The following DNAJC5B variants were observed in gnomAD, a reference collection of about 807,000 sequenced individuals.
DNAJC5B encodes dnaJ homolog subfamily C member 5B.
In DNAJC5B, 23 loss-of-function variants were observed where a neutral mutation model predicts 24.7. That is an observed-to-expected ratio of 0.93 (90% CI 0.67 to 1.32). DNAJC5B has a LOEUF of 1.32. Ranked by LOEUF, DNAJC5B falls within the 40% of genes most tolerant of loss-of-function variation. The pLI, the probability that DNAJC5B is intolerant of heterozygous loss-of-function variation, is 0.00. For synonymous variants in DNAJC5B, 101 were observed against 90.1 expected (o/e 1.12, Z -0.68); for missense variants, 238 against 240.8 (o/e 0.99, Z 0.08).
chr8:66,035,079 A>G (rs1223621734), intron 1 of DNAJC5B, among the ~76,000 whole-genome samples: 1 of 152,206 alleles, frequency 6.6e-6, no homozygotes, highest in Non-Finnish European at 1.5e-5. Context: ...AGAGCCACAC[A>G]TTGCTGAATT....
intron 1 of DNAJC5B, among the ~76,000 whole-genome samples, chr8:66,030,564 C>T (rs1369241738): frequency 6.6e-6 from 1 of 152,196 alleles, no homozygotes; most frequent in African/African-American, 2.4e-5. Context: ...GGTAAGCCCA[C>T]CTGCTAGAGT....
At chr8:66,052,602 T>G (rs1440693488) in intron 3 of DNAJC5B, among the ~76,000 whole-genome samples, 1 of 152,194 alleles carries the variant, frequency 6.6e-6, no homozygotes, top group Non-Finnish European at 1.5e-5. Context: ...GGCCTGTCAG[T>G]GACAGAAGAA....
upstream of DNAJC5B, among the ~76,000 whole-genome samples, chr8:66,017,628 C>T (rs901837458): frequency 1.3e-5 from 2 of 152,212 alleles, no homozygotes; most frequent in Non-Finnish European, 2.9e-5. Flanking sequence ...ATCTCTAGCA[C>T]TTAGTCAGTT....
intron 3 of DNAJC5B, among the ~76,000 whole-genome samples, chr8:66,068,775 C>T (rs1251883620): frequency 6.6e-6 from 1 of 151,918 alleles, no homozygotes; most frequent in African/African-American, 2.4e-5. Context: ...AACTCTATAC[C>T]CAGGCACATC....
intron 1 of DNAJC5B, among the ~76,000 whole-genome samples, chr8:66,029,588 G>A (rs1277398453): frequency 6.6e-6 from 1 of 152,188 alleles, no homozygotes; most frequent in African/African-American, 2.4e-5. Context: ...TTAGGAGGCT[G>A]GCAGGAGATA....
At chr8:66,023,923 C>G (rs553372349) in intron 1 of DNAJC5B, among the ~76,000 whole-genome samples, 1 of 152,224 alleles carries the variant, frequency 6.6e-6, no homozygotes, top group African/African-American at 2.4e-5. Context: ...AGGTAGTCAG[C>G]GTTTTTCCAA....
chr8:66,028,403 A>C (rs897211212), intron 1 of DNAJC5B, among the ~76,000 whole-genome samples: 5 of 152,198 alleles, frequency 3.3e-5, no homozygotes, highest in Admixed American at 6.5e-5. Flanking sequence ...ATGAACTCTA[A>C]CAGGTGGTTT....
intron 4 of DNAJC5B, among the ~76,000 whole-genome samples, chr8:66,077,211 G>A (rs13252033): frequency 0.094 from 14,286 of 152,110 alleles, 1,068 homozygotes; most frequent in East Asian, 0.31. Context: ...AAATTATTAC[G>A]GGGCAAATTT....
chr8:66,088,562 A>G (rs1480039262), intron 5 of DNAJC5B, among the ~76,000 whole-genome samples: 1 of 152,180 alleles, frequency 6.6e-6, no homozygotes, highest in Non-Finnish European at 1.5e-5. Context: ...CCTTTTAAAC[A>G]TAAATTCCAA....
chr8:66,044,474 G>C (rs1806682669), intron 2 of DNAJC5B, among the ~76,000 whole-genome samples: 1 of 151,522 alleles, frequency 6.6e-6, no homozygotes, highest in African/African-American at 2.4e-5. Context: ...AGCTTCTTTT[G>C]CTTCGAAATG....
chr8:66,034,472 G>A (rs943729686), intron 1 of DNAJC5B, among the ~76,000 whole-genome samples: 2 of 152,046 alleles, frequency 1.3e-5, no homozygotes, highest in Non-Finnish European at 2.9e-5. Flanking sequence ...TCACTGAACA[G>A]GGAAAGAGCT....
At chr8:66,091,325 G>C (rs892095185) in intron 5 of DNAJC5B, among the ~76,000 whole-genome samples, 1 of 152,140 alleles carries the variant, frequency 6.6e-6, no homozygotes, top group East Asian at 1.9e-4. Context: ...AGCACTTGGG[G>C]CCTCACCTGC....
chr8:66,051,621 G>T lies in DNAJC5B; in HGVS notation c.74G>T (p.Gly25Val). 6.2e-7 allele frequency: 1 copy of T among 1,614,064 alleles called. No individual in the cohort carries two copies. The highest frequency in any genetic ancestry group is 8.5e-7 in the Non-Finnish European group (1 of 1,180,004). Residue 25 changes from glycine to valine, a missense_variant, in exon 3 of 6, where the codon GGT (glycine) becomes GTT (valine). Gly to Val is a moderately radical substitution (Grantham distance 109). Coordinates refer to ENST00000276570, the MANE Select transcript of DNAJC5B (RefSeq NM_033105.6). ...GGAGAAGCTCTATACGAAATTCTTG[G>T]TCTGCATAAGGGAGCATCAAATGAA... ...TTGEALYEIL[G>V]LHKGASNEEI...
intron 2 of DNAJC5B, among the ~76,000 whole-genome samples, chr8:66,049,061 G>T (rs1488706880): frequency 6.6e-6 from 1 of 152,196 alleles, no homozygotes; most frequent in Non-Finnish European, 1.5e-5. Flanking sequence ...ATATTAGTCT[G>T]CAACCTCTCT....
At chr8:66,051,475 C>T in intron 2 of DNAJC5B, 56 bp from the exon 3 acceptor site, 1 of 1,022,836 alleles carries the variant, frequency 9.8e-7, no homozygotes. Context: ...CTGTCTTCCC[C>T]TTTAGAGAGT....
At chr8:66,075,932 G>C (rs1386779137) in intron 3 of DNAJC5B, among the ~76,000 whole-genome samples, 2 of 152,222 alleles carry the variant, frequency 1.3e-5, no homozygotes, top group African/African-American at 4.8e-5. Context: ...CTTAAGGTGT[G>C]TTCCTACATA....
chr8:66,070,885 A>T (rs1807332321), intron 3 of DNAJC5B, among the ~76,000 whole-genome samples: 1 of 152,220 alleles, frequency 6.6e-6, no homozygotes, highest in South Asian at 2.1e-4. Context: ...CAGAGGCCTC[A>T]GAAATAGCAC....
chr8:66,018,289 C>A (rs930390314), upstream of DNAJC5B, among the ~76,000 whole-genome samples: 4 of 151,884 alleles, frequency 2.6e-5, no homozygotes, highest in African/African-American at 9.7e-5. Context: ...GAGGCCGAGG[C>A]GGGTGGATCA....
At chr8:66,081,968 C>T (rs1483056450) in intron 5 of DNAJC5B, among the ~76,000 whole-genome samples, 1 of 152,082 alleles carries the variant, frequency 6.6e-6, no homozygotes, top group Non-Finnish European at 1.5e-5. Context: ...AGCAGGATTA[C>T]AAGTAAATGG....
Sources: gnomAD v4.1 joint callset for allele counts (sites outside exome capture counted in the v4.1 genomes callset) on GRCh38, gnomAD v4.1.1 for gene constraint, MANE v1.5 for transcripts, NCBI Gene and HGNC (gene_info 2026-07-23, HGNC 2026-07-21) for gene names.